DGKB: variants seen among roughly 807,000 people sequenced by gnomAD.
DGKB encodes the protein 90 kDa diacylglycerol kinase.
A neutral mutation model predicts 114.3 loss-of-function variants in DGKB; 67 were observed. That is an observed-to-expected ratio of 0.59 (90% CI 0.48 to 0.72). The LOEUF (loss-of-function observed/expected upper bound fraction) is 0.72, where lower values mean the gene tolerates loss of function less well. DGKB is among the 30% of genes least tolerant of loss of function. The pLI is 0.00. For missense variants in DGKB, 907 were observed against 975.2 expected (o/e 0.93, Z 0.93); for synonymous variants, 398 against 323.1 (o/e 1.23, Z -2.49).
At chr7:14,938,966 C>A (rs1785414101) in intron 1 of DGKB, among the ~76,000 whole-genome samples, 1 of 152,230 alleles carries the variant, frequency 6.6e-6, no homozygotes. Context: ...CAGTGACCAC[C>A]TAACACATTA....
chr7:14,149,103 C>T lies in DGKB; in HGVS notation c.*28G>A, dbSNP rs1781794362. On this transcript the variant is annotated 3_prime_UTR_variant, in exon 26 of 26. Transcript: ENST00000402815. ...GTTCCATGGCCCAATTATGCTAATT[C>T]AATTTCTAAGAGTGAAACAACACAG... The T allele has an allele frequency of 6.3e-7, 1 of 1,585,584 alleles. No homozygotes were observed.
At chr7:14,848,036 A>C (rs1848872926) in intron 1 of DGKB, among the ~76,000 whole-genome samples, 1 of 152,212 alleles carries the variant, frequency 6.6e-6, no homozygotes, top group Non-Finnish European at 1.5e-5. Context: ...GTAAATTATG[A>C]AACCATTGAA....
At position 14,574,194 on chromosome 7, in the gene DGKB, T is replaced by A; in HGVS notation, c.1770+18A>T. 1 of 1,607,414 alleles carries A rather than the reference T, an allele frequency of 6.2e-7. No homozygotes were observed. Among genetic ancestry groups the A allele is most frequent in the South Asian group, 1.1e-5 (1 of 89,982 alleles). On this transcript the variant is annotated intron_variant, in intron 20 of 25. Coordinates refer to ENST00000402815, the MANE Select transcript of DGKB (RefSeq NM_001350709.2). Reference sequence around the variant, plus strand: ...ATACAGTACAGGTACAAAGGTAAAATTTAGTGGAGAATCTTACCACGCCAA... The same window carrying A: ...ATACAGTACAGGTACAAAGGTAAAAATTAGTGGAGAATCTTACCACGCCAA...
intron 20 of DGKB, among the ~76,000 whole-genome samples, chr7:14,527,522 C>A (rs1375811608): frequency 1.3e-5 from 2 of 151,918 alleles, no homozygotes; most frequent in East Asian, 3.9e-4. Flanking sequence ...GAAGAACACA[C>A]CAAGAACATT....
chr7:14,704,472 GA>G (rs1281832044), intron 6 of DGKB, among the ~76,000 whole-genome samples: 54 of 147,802 alleles, frequency 3.7e-4, no homozygotes, highest in Admixed American at 1.3e-3. Flanking sequence ...AAAGAAAAAA[GA>G]AAAAAAGGGG....
chr7:14,784,717 T>C (rs1325894445), intron 2 of DGKB, among the ~76,000 whole-genome samples: 2 of 152,240 alleles, frequency 1.3e-5, no homozygotes, highest in Admixed American at 6.5e-5. Flanking sequence ...ATCTATTTTT[T>C]AGTCATTGTT....
chr7:14,921,445 C>G (rs150275672), intron 1 of DGKB, among the ~76,000 whole-genome samples: 1,596 of 152,132 alleles, frequency 0.01, 87 homozygotes, highest in Admixed American at 0.087. Context: ...TATACCAAAC[C>G]GAACATCATT....
chr7:14,364,759 C>T (rs1431859361), intron 21 of DGKB, among the ~76,000 whole-genome samples: 1 of 151,930 alleles, frequency 6.6e-6, no homozygotes, highest in Non-Finnish European at 1.5e-5. Flanking sequence ...AAATGGCTGA[C>T]TTTTTATTTC....
chr7:14,643,459 T>C (rs1178745106), intron 13 of DGKB, among the ~76,000 whole-genome samples: 2 of 152,182 alleles, frequency 1.3e-5, no homozygotes, highest in Non-Finnish European at 2.9e-5. Flanking sequence ...ACATTCTGAC[T>C]TGGGCCAAAT....
chr7:14,428,179 A>G (rs1268266267), intron 21 of DGKB, among the ~76,000 whole-genome samples: 3 of 151,868 alleles, frequency 2.0e-5, no homozygotes, highest in East Asian at 3.9e-4. Context: ...TGTGATATAT[A>G]TATATAATTT....
Position 14,607,459 on chromosome 7 carries a change from G to T in DGKB, c.1408C>A (p.Leu470Ile). ...CCTGGCATTGGTCCATTTCCAGAAA[G>T]ACTGTAAACCTGACGAGGATTTAAT... The part of the protein sequence containing the change: ...YLLNPRQVYS[L>I]SGNGPMPGLN... The change falls in exon 17 of 26, where the codon CTT becomes ATT. Residue 470 changes from leucine to isoleucine, a missense_variant. Leu to Ile is a conservative substitution (Grantham distance 5). Coordinates refer to ENST00000402815, the MANE Select transcript of DGKB (RefSeq NM_001350709.2). 6.3e-7 allele frequency: 1 copy of T among 1,584,886 alleles called. No individual in the cohort carries two copies. Among genetic ancestry groups the T allele is most frequent in the Non-Finnish European group, 8.7e-7 (1 of 1,155,204 alleles).
At chr7:14,444,299 T>C (rs1830452302) in intron 21 of DGKB, among the ~76,000 whole-genome samples, 1 of 151,886 alleles carries the variant, frequency 6.6e-6, no homozygotes, top group African/African-American at 2.4e-5. Flanking sequence ...TTTATTCAGT[T>C]GGTACCTACA....
intron 23 of DGKB, among the ~76,000 whole-genome samples, chr7:14,187,597 A>G (rs74482085): frequency 0.016 from 2,373 of 152,210 alleles, 159 homozygotes; most frequent in Admixed American, 0.11. Context: ...AATATATATC[A>G]CTGATGAGGA....
intron 17 of DGKB, among the ~76,000 whole-genome samples, chr7:14,596,233 T>C (rs1273461369): frequency 6.6e-6 from 1 of 152,192 alleles, no homozygotes; most frequent in Non-Finnish European, 1.5e-5. Flanking sequence ...AATTTAAAAT[T>C]GTTTATACTG....
At chr7:14,582,175 G>C (rs1472906449) in intron 18 of DGKB, among the ~76,000 whole-genome samples, 2 of 152,086 alleles carry the variant, frequency 1.3e-5, no homozygotes, top group African/African-American at 2.4e-5. Context: ...ACAAAGAATT[G>C]ATCAATGCGG....
intron 14 of DGKB, among the ~76,000 whole-genome samples, chr7:14,623,494 T>C (rs1808020392): frequency 6.6e-6 from 1 of 152,186 alleles, no homozygotes; most frequent in Admixed American, 6.5e-5. Flanking sequence ...AATTTATTCC[T>C]AGAAAGACAT....
chr7:14,792,440 AG>A lies in DGKB; in HGVS notation c.71-34710del, dbSNP rs367991858. On this transcript the variant is annotated intron_variant, in intron 2 of 25. Coordinates refer to ENST00000402815, the MANE Select transcript of DGKB (RefSeq NM_001350709.2). ...AGCCACTCAGGGAAGGCCTGGGACT[AG>A]GCAAGTCTCAACTCAAGTAGGTGGA... Among the ~76,000 whole-genome samples, 442 of 152,288 alleles carry A rather than the reference AG, an allele frequency of 2.9e-3. 1 individual carries two copies. Among genetic ancestry groups the A allele is most frequent in the African/African-American group, 1.0e-2 (415 of 41,572 alleles).
In DGKB at chr7:14,470,501, A is replaced by T. The variant is rs76523871; in HGVS notation, c.1835+7660T>A. Among the ~76,000 whole-genome samples the T allele has an allele frequency of 2.0e-3, 310 of 151,992 alleles. 1 individual carries two copies. The highest frequency in any genetic ancestry group is 7.0e-3 in the African/African-American group (290 of 41,562). ...TCCTTTCTTTACTTTCACTGTTTTTAATAGATTGTGAATGTCAGTAATTTA... is the reference window on the plus strand; with the variant it reads ...TCCTTTCTTTACTTTCACTGTTTTTTATAGATTGTGAATGTCAGTAATTTA... On this transcript the variant is annotated intron_variant, in intron 21 of 25. Coordinates refer to ENST00000402815, the MANE Select transcript of DGKB (RefSeq NM_001350709.2).
chr7:14,555,206 C>T (rs1303330946), intron 20 of DGKB, among the ~76,000 whole-genome samples: 1 of 152,084 alleles, frequency 6.6e-6, no homozygotes, highest in African/African-American at 2.4e-5. Flanking sequence ...ATGTATTGTG[C>T]ATTTTATCCC....
Sources: gnomAD v4.1 joint callset for allele counts (sites outside exome capture counted in the v4.1 genomes callset) on GRCh38, gnomAD v4.1.1 for gene constraint, MANE v1.5 for transcripts, NCBI Gene and HGNC (gene_info 2026-07-23, HGNC 2026-07-21) for gene names.